Variants in PLEKHG4B observed in about 807,000 individuals in gnomAD.
The protein encoded by PLEKHG4B is pleckstrin homology and RhoGEF domain containing G4B.
In PLEKHG4B, 111 loss-of-function variants were observed where a neutral mutation model predicts 121.3. The ratio of observed to expected loss-of-function variants is 0.92; its 90% CI spans 0.78 to 1.07. The LOEUF (loss-of-function observed/expected upper bound fraction) is 1.07, where lower values mean the gene tolerates loss of function less well. Ranked by LOEUF, PLEKHG4B falls within the 50% of genes least tolerant of loss-of-function variation. The pLI, the probability that PLEKHG4B is intolerant of heterozygous loss-of-function variation, is 0.00. For synonymous variants in PLEKHG4B, 738 were observed against 725.0 expected, an observed-to-expected ratio of 1.02 and a Z score of -0.29; for missense variants, 1,831 against 1,757.8, an observed-to-expected ratio of 1.04 and a Z score of -0.74.
intron 19 of PLEKHG4B, 60 bp downstream of exon 19, chr5:181,735 G>A (rs913230592): frequency 6.4e-7 from 1 of 1,568,992 alleles, no homozygotes; most frequent in Non-Finnish European, 8.7e-7. Flanking sequence ...CTGTCATCAA[G>A]GGCATGGGTA....
At chr5:153,998 C>G (rs1177546974) in intron 7 of PLEKHG4B, among the ~76,000 whole-genome samples, 1 of 148,380 alleles carries the variant, frequency 6.7e-6, no homozygotes, top group Non-Finnish European at 1.5e-5. Flanking sequence ...CCAGATGCCC[C>G]TCTCGTTTCC....
At position 140,182 on chromosome 5, in the gene PLEKHG4B, A is replaced by G; in HGVS notation, c.943A>G (p.Met315Val). ...CGGSGERPDPMDQEDRPKALT... is the reference protein window; with the variant it reads ...CGGSGERPDPVDQEDRPKALT... ...GGGGTCGGGGGAGAGGCCGGACCCC[A>G]TGGACCAGGAGGACAGACCCAAGGC... The change falls in exon 3 of 20, where the codon ATG becomes GTG. Residue 315 changes from methionine to valine, a missense_variant. Met to Val is a conservative substitution (Grantham distance 21, BLOSUM62 1). Coordinates refer to ENST00000637938, the MANE Select transcript of PLEKHG4B (RefSeq NM_052909.5). 3 of 1,029,188 alleles carry G rather than the reference A, an allele frequency of 2.9e-6. No homozygotes were observed. Among genetic ancestry groups the G allele is most frequent in the South Asian group, 1.7e-5 (1 of 57,254 alleles). 63.8% of individuals were successfully genotyped at this position (1,029,188 alleles called of 1,614,324 possible). A position where few individuals can be genotyped will look rare whatever the true frequency, so the allele number is the denominator to read the frequency against.
intron 7 of PLEKHG4B, among the ~76,000 whole-genome samples, chr5:153,368 G>T (rs1435729708): frequency 1.3e-5 from 2 of 152,184 alleles, no homozygotes; most frequent in Non-Finnish European, 2.9e-5. Context: ...TGAATATTCT[G>T]CTGGGGAGAC....
Position 156,706 on chromosome 5 carries a change from G to T in PLEKHG4B, c.2349-67G>T, listed in dbSNP as rs945755267. On this transcript the variant is annotated intron_variant, in intron 10 of 19. Transcript: ENST00000637938. The surrounding 1 kb of genome is among the most constrained non-coding windows in gnomAD (Gnocchi z 4.4). ...GGAAAGAGCAGGGTTTTTATATGGG[G>T]TTGTCACCAAGAGCAGATTCCTCAA... 7.3e-6 allele frequency: 11 copies of T among 1,496,974 alleles called. No homozygotes were observed. Among genetic ancestry groups the T allele is most frequent in the Admixed American group, 6.6e-5 (3 of 45,786 alleles). The allele number at this position is 1,496,974 out of a possible 1,614,324, so 92.7% of individuals were successfully genotyped here.
chr5:149,787 TAATG>T (rs1237650193), intron 6 of PLEKHG4B, among the ~76,000 whole-genome samples: 1 of 152,198 alleles, frequency 6.6e-6, no homozygotes, highest in African/African-American at 2.4e-5. Flanking sequence ...TCAATGTCAT[TAATG>T]ATTAGAGAAA....
At chr5:112,174 C>T (rs754463317) in intron 1 of PLEKHG4B, among the ~76,000 whole-genome samples, 20 of 152,258 alleles carry the variant, frequency 1.3e-4, no homozygotes, top group African/African-American at 2.9e-4. Flanking sequence ...GTGGCAGGGC[C>T]GGCAGGAGGC....
chr5:173,191 T>C (rs1736629387), intron 17 of PLEKHG4B, 124 bp downstream of exon 17: 2 of 913,318 alleles, frequency 2.2e-6, no homozygotes, highest in East Asian at 2.5e-5. Context: ...GGAGCCGCAC[T>C]GCGATGTTTG....
intron 2 of PLEKHG4B, among the ~76,000 whole-genome samples, chr5:134,663 G>A (rs780040945): frequency 2.6e-5 from 4 of 151,734 alleles, no homozygotes; most frequent in Non-Finnish European, 5.9e-5. Flanking sequence ...CTACTCGGAT[G>A]GCTGAGACAC....
intron 1 of PLEKHG4B, among the ~76,000 whole-genome samples, chr5:93,396 C>A (rs753378287): frequency 1.3e-5 from 2 of 151,998 alleles, no homozygotes; most frequent in African/African-American, 4.8e-5. Context: ...TTGAGGAGGC[C>A]GCCGTCTCCG....
chr5:121,519 G>A (rs1355357255), intron 2 of PLEKHG4B, among the ~76,000 whole-genome samples: 1 of 152,068 alleles, frequency 6.6e-6, no homozygotes, highest in Non-Finnish European at 1.5e-5. Flanking sequence ...TGAGAAAAGG[G>A]CAGGACAAAT....
At chr5:117,947 T>G (rs1194075639) in intron 2 of PLEKHG4B, among the ~76,000 whole-genome samples, 1 of 151,972 alleles carries the variant, frequency 6.6e-6, no homozygotes, top group Non-Finnish European at 1.5e-5. Context: ...GGAATTAGAA[T>G]AAAATAAATG....
At chr5:106,292 C>CA (rs1465435165) in intron 1 of PLEKHG4B, among the ~76,000 whole-genome samples, 1 of 152,136 alleles carries the variant, frequency 6.6e-6, no homozygotes, top group African/African-American at 2.4e-5. Flanking sequence ...ACTGCTGCTC[C>CA]AGGAAAGGCA....
At chr5:146,057 C>G (rs1322175522) in intron 6 of PLEKHG4B, among the ~76,000 whole-genome samples, 1 of 148,788 alleles carries the variant, frequency 6.7e-6, no homozygotes, top group East Asian at 2.0e-4. Context: ...CCTCCTCTCC[C>G]CCTCCATGGT....
intron 1 of PLEKHG4B, among the ~76,000 whole-genome samples, chr5:105,942 T>C (rs1733963840): frequency 6.6e-6 from 1 of 152,174 alleles, no homozygotes; most frequent in South Asian, 2.1e-4. Context: ...GGACCAGGTA[T>C]TGATGGAAGG....
At chr5:102,301 G>A (rs1733845278) in intron 1 of PLEKHG4B, among the ~76,000 whole-genome samples, 1 of 152,038 alleles carries the variant, frequency 6.6e-6, no homozygotes, top group Admixed American at 6.5e-5. Flanking sequence ...TTATTGTTAT[G>A]AGTATAATTA....
rs1354121576 is a variant in PLEKHG4B at position 159,384 on chromosome 5, G to A, written c.2488-2399G>A. ...TTCTGTGACATCCTTCGTGGCGCTCGCATTTCCCACAGCTCCACACTTCCA... is the reference window on the plus strand; with the variant it reads ...TTCTGTGACATCCTTCGTGGCGCTCACATTTCCCACAGCTCCACACTTCCA... On this transcript the variant is annotated intron_variant, in intron 11 of 19. Coordinates refer to ENST00000637938, the MANE Select transcript of PLEKHG4B (RefSeq NM_052909.5). This position sits in a 1 kb window ranked among gnomAD's most constrained non-coding sequence, Gnocchi z 5.5. Among the ~76,000 whole-genome samples, 4 of 151,752 alleles carry A rather than the reference G, an allele frequency of 2.6e-5. No individual in the cohort carries two copies. The highest frequency in any genetic ancestry group is 5.9e-5 in the Non-Finnish European group (4 of 67,846).
chr5:118,952 G>A (rs1457679376), intron 2 of PLEKHG4B, among the ~76,000 whole-genome samples: 2 of 151,894 alleles, frequency 1.3e-5, no homozygotes. Context: ...CTGGGCTCAA[G>A]CGATCCTCCC....
At chr5:102,838 G>T (rs952233446) in intron 1 of PLEKHG4B, among the ~76,000 whole-genome samples, 1 of 152,186 alleles carries the variant, frequency 6.6e-6, no homozygotes, top group African/African-American at 2.4e-5. Context: ...GGGTGCTCAC[G>T]GATTTGGGGC....
chr5:173,670 ACAAG>A (rs1360544475), intron 17 of PLEKHG4B, among the ~76,000 whole-genome samples: 2 of 151,092 alleles, frequency 1.3e-5, no homozygotes, highest in Admixed American at 6.6e-5. Context: ...TTGCACGCTC[ACAAG>A]CAGTCACTCA....
Sources: allele counts gnomAD v4.1 joint callset (sites outside exome capture counted in the v4.1 genomes callset), GRCh38; gene constraint gnomAD v4.1.1; non-coding constraint Gnocchi (gnomAD v3.1); transcripts MANE v1.5; gene names NCBI Gene and HGNC (gene_info 2026-07-23, HGNC 2026-07-21).